The following NKD1 variants were observed in gnomAD, a reference collection of about 807,000 sequenced individuals.
NKD1 encodes the protein protein naked cuticle homolog 1.
In NKD1, 21 loss-of-function variants were observed where a neutral mutation model predicts 56.0. The observed-to-expected ratio is 0.38, with a 90% CI of 0.27 to 0.54. NKD1 has a LOEUF of 0.54. Among genes scored for constraint, NKD1 ranks in the 20% least tolerant of loss-of-function variants. The pLI is 0.82. For synonymous variants in NKD1, 263 were observed against 265.7 expected (o/e 0.99, Z 0.10); for missense variants, 578 against 642.7 (o/e 0.90, Z 1.09).
rs1236800614 is a variant in NKD1 at position 50,644,830 on chromosome 16, C to T, written c.*11049C>T. 1.3e-5 allele frequency: 2 copies of T among 152,328 alleles called. No homozygotes were observed. Among genetic ancestry groups the T allele is most frequent in the Non-Finnish European group, 2.9e-5 (2 of 68,064 alleles). 9.4% of individuals were successfully genotyped at this position (152,328 alleles called of 1,614,324 possible). On this transcript the variant is annotated 3_prime_UTR_variant, in exon 10 of 10. Coordinates refer to ENST00000268459, the MANE Select transcript of NKD1 (RefSeq NM_033119.5). ...GGTGCATGTGAACTTCCCGCCTTCCCTTCCTTCCCTCCTCCCTCCTTTCTT... is the reference window on the plus strand; with the variant it reads ...GGTGCATGTGAACTTCCCGCCTTCCTTTCCTTCCCTCCTCCCTCCTTTCTT...
chr16:50,548,527 G>A lies in NKD1; in HGVS notation c.-27G>A. 1 of 1,461,832 alleles carries A rather than the reference G, an allele frequency of 6.8e-7. No individual in the cohort carries two copies. The highest frequency in any genetic ancestry group is 9.0e-7 in the Non-Finnish European group (1 of 1,111,998). 90.6% of individuals were successfully genotyped at this position (1,461,832 alleles called of 1,614,324 possible). ...CCGCGGGCCGGGCGCATGGCTTAGGGACGCTCCCGGCCGCCGCAGCCCCAG... is the reference window on the plus strand; with the variant it reads ...CCGCGGGCCGGGCGCATGGCTTAGGAACGCTCCCGGCCGCCGCAGCCCCAG... On this transcript the variant is annotated 5_prime_UTR_variant, in exon 1 of 10. Transcript: ENST00000268459.
intron 3 of NKD1, among the ~76,000 whole-genome samples, chr16:50,587,817 G>C (rs1195552948): frequency 6.6e-6 from 1 of 152,202 alleles, no homozygotes; most frequent in Non-Finnish European, 1.5e-5. Context: ...AAAATCAGCA[G>C]TGGTATTAGA....
At chr16:50,571,050 TCTC>T (rs1180830394) in intron 3 of NKD1, 15 of 960,516 alleles carry the variant, frequency 1.6e-5, no homozygotes, top group Non-Finnish European at 1.6e-5. Flanking sequence ...GTGCTGGACA[TCTC>T]CTCCCTGGGG....
At chr16:50,621,277 C>T (rs889205229) in intron 4 of NKD1, among the ~76,000 whole-genome samples, 21 of 152,170 alleles carry the variant, frequency 1.4e-4, no homozygotes, top group African/African-American at 4.8e-4. Flanking sequence ...CAGAAGCACC[C>T]CTCCACTCTC....
intron 3 of NKD1, among the ~76,000 whole-genome samples, chr16:50,600,624 A>T (rs1961574215): frequency 6.6e-6 from 1 of 152,248 alleles, no homozygotes; most frequent in Admixed American, 6.5e-5. Context: ...GGAAGGCGCG[A>T]CCATGGCATG....
intron 3 of NKD1, among the ~76,000 whole-genome samples, chr16:50,565,127 G>C (rs1334325347): frequency 1.3e-5 from 2 of 152,332 alleles, no homozygotes; most frequent in East Asian, 3.9e-4. Context: ...TGTAATCCCA[G>C]CACTTTGGGA....
rs370312293 is a variant in NKD1 at position 50,623,991 on chromosome 16, C to T, written c.367-1494C>T. Among the ~76,000 whole-genome samples, 12 of 152,136 alleles carry T rather than the reference C, an allele frequency of 7.9e-5. No homozygotes were observed. The highest frequency in any genetic ancestry group is 4.2e-4 in the South Asian group (2 of 4,806). ...AGGTTGGCTTTGAACTCAGCGTGGG[C>T]GCCCGAGAATTGCTGGAGGGAAATG... On this transcript the variant is annotated intron_variant, in intron 5 of 9. Coordinates refer to ENST00000268459, the MANE Select transcript of NKD1 (RefSeq NM_033119.5). The surrounding 1 kb of genome is among the most constrained non-coding windows in gnomAD (Gnocchi z 4.1).
At chr16:50,561,745 C>G (rs1243871016) in intron 3 of NKD1, among the ~76,000 whole-genome samples, 1 of 152,152 alleles carries the variant, frequency 6.6e-6, no homozygotes, top group Non-Finnish European at 1.5e-5. Context: ...AACACATTCT[C>G]TTCATTAAAG....
chr16:50,615,959 A>T (rs530933328), intron 4 of NKD1: 3 of 436,086 alleles, frequency 6.9e-6, no homozygotes, highest in South Asian at 4.8e-5. Flanking sequence ...CACATATGAT[A>T]TCTTTCTCTT....
chr16:50,570,908 C>T, intron 3 of NKD1: 1 of 985,412 alleles, frequency 1.0e-6, no homozygotes, highest in Non-Finnish European at 1.2e-6. Flanking sequence ...GATGTAGCCC[C>T]CACCCCAGCC....
At chr16:50,605,148 C>T (rs1165443565) in intron 3 of NKD1, among the ~76,000 whole-genome samples, 1 of 152,198 alleles carries the variant, frequency 6.6e-6, no homozygotes, top group African/African-American at 2.4e-5. Context: ...GGTCTCACAG[C>T]CTCTTGGAGC....
intron 3 of NKD1, among the ~76,000 whole-genome samples, chr16:50,592,610 C>T (rs1028398865): frequency 2.0e-5 from 3 of 152,192 alleles, no homozygotes; most frequent in Admixed American, 6.5e-5. Flanking sequence ...GCCTGCAAGC[C>T]ACAAGTAGTT....
chr16:50,549,306 T>A, intron 2 of NKD1, 116 bp from the exon 3 acceptor site: 1 of 1,351,550 alleles, frequency 7.4e-7, no homozygotes. Context: ...GCGAACCCCC[T>A]CCTGGCCCCC....
At chr16:50,622,395 C>T (rs947537621) in intron 5 of NKD1, among the ~76,000 whole-genome samples, 10 of 151,670 alleles carry the variant, frequency 6.6e-5, no homozygotes, top group Admixed American at 2.6e-4. Context: ...TAGTGTAGCA[C>T]GCTCCTGTGC....
In NKD1 at chr16:50,577,547, T is replaced by A. The variant is rs184773283; in HGVS notation, c.192+27992T>A. ...ACTTAAGATCTGCCCTCTTAGAAAA[T>A]TTTAAATATATAATGGAGTACTGTT... On this transcript the variant is annotated intron_variant, in intron 3 of 9. Coordinates refer to ENST00000268459, the MANE Select transcript of NKD1 (RefSeq NM_033119.5). Among the ~76,000 whole-genome samples the A allele has an allele frequency of 3.6e-4, 55 of 152,254 alleles. No individual in the cohort carries two copies. In the East Asian group the frequency reaches 0.01, roughly 28 times the overall value.
chr16:50,620,640 C>T (rs889210882), intron 4 of NKD1, among the ~76,000 whole-genome samples: 7 of 152,150 alleles, frequency 4.6e-5, no homozygotes, highest in South Asian at 2.1e-4. Flanking sequence ...AAGATGTCTC[C>T]GGCAAACCCC....
At chr16:50,593,627 G>A (rs1478964200) in intron 3 of NKD1, among the ~76,000 whole-genome samples, 1 of 152,026 alleles carries the variant, frequency 6.6e-6, no homozygotes, top group East Asian at 1.9e-4. Context: ...CCTGGGTCAT[G>A]TGCCCTCCCT....
At chr16:50,550,908 A>G (rs1295291899) in intron 3 of NKD1, among the ~76,000 whole-genome samples, 1 of 152,174 alleles carries the variant, frequency 6.6e-6, no homozygotes, top group East Asian at 1.9e-4. Flanking sequence ...GTTTATTTTT[A>G]CAAAGTATTC....
At chr16:50,566,903 A>C (rs1007313968) in intron 3 of NKD1, among the ~76,000 whole-genome samples, 2 of 151,932 alleles carry the variant, frequency 1.3e-5, no homozygotes, top group Admixed American at 6.6e-5. Context: ...AATCCACCAA[A>C]TCTCTTGTGT....
Sources: allele counts gnomAD v4.1 joint callset (sites outside exome capture counted in the v4.1 genomes callset), GRCh38; gene constraint gnomAD v4.1.1; non-coding constraint Gnocchi (gnomAD v3.1); transcripts MANE v1.5; gene names NCBI Gene and HGNC (gene_info 2026-07-23, HGNC 2026-07-21).